Variants in FAM89A observed in about 807,000 individuals in gnomAD.
FAM89A encodes the protein protein FAM89A.
A neutral mutation model predicts 7.1 loss-of-function variants in FAM89A; 10 were observed. That is an observed-to-expected ratio of 1.40 (90% CI 0.86 to 2.38). FAM89A has a LOEUF of 2.38. Among genes scored for constraint, FAM89A ranks in the 30% most tolerant of loss-of-function variants. The pLI is 0.00. For synonymous variants in FAM89A, 157 were observed against 129.3 expected (o/e 1.21, Z -1.45); for missense variants, 276 against 262.8 (o/e 1.05, Z -0.35).
chr1:231,022,852 C>G (rs1679903564), intron 1 of FAM89A, among the ~76,000 whole-genome samples: 2 of 152,158 alleles, frequency 1.3e-5, no homozygotes, highest in Admixed American at 1.3e-4. Flanking sequence ...TTAGTGTCCC[C>G]CTCAGAGGCT....
intron 1 of FAM89A, among the ~76,000 whole-genome samples, chr1:231,033,708 T>C (rs771996561): frequency 1.3e-5 from 2 of 152,142 alleles, no homozygotes; most frequent in Admixed American, 6.5e-5. Flanking sequence ...AGGAGAAGGG[T>C]TGTAAGATAT....
intron 1 of FAM89A, among the ~76,000 whole-genome samples, chr1:231,030,551 T>C (rs977738600): frequency 1.3e-5 from 2 of 152,320 alleles, no homozygotes; most frequent in East Asian, 1.9e-4. Context: ...AGAAAAGCAA[T>C]TGACCATTTT....
intron 1 of FAM89A, among the ~76,000 whole-genome samples, chr1:231,031,866 T>C (rs774856920): frequency 6.6e-6 from 1 of 151,832 alleles, no homozygotes; most frequent in Non-Finnish European, 1.5e-5. Flanking sequence ...GCAATACACA[T>C]CCATGTATAA....
chr1:231,020,162 G>T, intron 1 of FAM89A, 36 bp from the exon 2 acceptor site: 1 of 1,559,302 alleles, frequency 6.4e-7, no homozygotes. Context: ...AAAACGAGAA[G>T]TCAGCACTTG....
At chr1:231,035,816 C>T (rs1362278377) in intron 1 of FAM89A, among the ~76,000 whole-genome samples, 2 of 152,222 alleles carry the variant, frequency 1.3e-5, no homozygotes, top group Admixed American at 6.5e-5. Flanking sequence ...TACTACTTTA[C>T]CCCTTGCTCC....
rs1680189840 is a variant in FAM89A, at chr1:231,038,068, G to C, written c.291+1853C>G. 2.6e-5 allele frequency among the ~76,000 whole-genome samples: 4 copies of C among 152,130 alleles called. No homozygotes were observed. The South Asian group carries it at 8.3e-4, about 32-fold the overall frequency. ...TTGAGTTGTCCACTCAGACCCCATGGCCCCAAGTCAGTAAATCAATTAAAA... is the reference window on the plus strand; with the variant it reads ...TTGAGTTGTCCACTCAGACCCCATGCCCCCAAGTCAGTAAATCAATTAAAA... On this transcript the variant is annotated intron_variant, in intron 1 of 1. Transcript: ENST00000366654.
At chr1:231,039,782 A>ACGGCGC in intron 1 of FAM89A, 139 bp downstream of exon 1, 1 of 852,580 alleles carries the variant, frequency 1.2e-6, no homozygotes, top group Non-Finnish European at 1.6e-6. Context: ...CGTTGGGAGG[A>ACGGCGC]CGGCGCCGGC....
chr1:231,028,568 T>A (rs894162315), intron 1 of FAM89A: 2 of 152,176 alleles, frequency 1.3e-5, no homozygotes, highest in African/African-American at 4.8e-5. Flanking sequence ...ACGGCTGGTC[T>A]CCACATTCAC....
At chr1:231,037,592 T>C (rs1032047673) in intron 1 of FAM89A, among the ~76,000 whole-genome samples, 5 of 152,200 alleles carry the variant, frequency 3.3e-5, no homozygotes, top group African/African-American at 1.2e-4. Flanking sequence ...CACCCTGCTG[T>C]AGAATTCATT....
At chr1:231,021,687 C>T in intron 1 of FAM89A, 2 of 1,583,344 alleles carry the variant, frequency 1.3e-6, no homozygotes, top group Non-Finnish European at 8.7e-7. Flanking sequence ...GCAACCTCCA[C>T]CCCTGAGATT....
At chr1:231,037,009 T>C (rs903744599) in intron 1 of FAM89A, among the ~76,000 whole-genome samples, 4 of 152,218 alleles carry the variant, frequency 2.6e-5, no homozygotes, top group African/African-American at 9.6e-5. Context: ...GGGAAAATAA[T>C]TGCAATGTGC....
intron 1 of FAM89A, among the ~76,000 whole-genome samples, chr1:231,031,402 C>A (rs896420774): frequency 2.5e-4 from 38 of 152,298 alleles, no homozygotes; most frequent in African/African-American, 9.1e-4. Context: ...TGTTCACACT[C>A]TATTACATTA....
In FAM89A at chr1:231,020,857, T is replaced by C. The variant is rs555395591; in HGVS notation, c.292-731A>G. ...TTTATAAAAGTCATATACTTGTTTA[T>C]CTTCCAGTTCCTCCCTCCCCCACCA... On this transcript the variant is annotated intron_variant, in intron 1 of 1. Coordinates refer to ENST00000366654, the MANE Select transcript of FAM89A (RefSeq NM_198552.3). 3.9e-5 allele frequency among the ~76,000 whole-genome samples: 6 copies of C among 152,364 alleles called. No homozygotes were observed. In the East Asian group the frequency reaches 5.8e-4, roughly 15 times the overall value.
At chr1:231,026,004 T>C (rs1344879269) in intron 1 of FAM89A, 1 of 152,802 alleles carries the variant, frequency 6.5e-6, no homozygotes, top group Non-Finnish European at 1.5e-5. Context: ...CCTACCTCCC[T>C]GCCTGGGTTC....
chr1:231,023,024 TC>T (rs1400644702), intron 1 of FAM89A, among the ~76,000 whole-genome samples: 4 of 152,168 alleles, frequency 2.6e-5, no homozygotes, highest in Non-Finnish European at 5.9e-5. Context: ...ATAAAATCCA[TC>T]CGGTGTTTGC....
chr1:231,032,361 G>A (rs997065241), intron 1 of FAM89A, among the ~76,000 whole-genome samples: 1 of 137,404 alleles, frequency 7.3e-6, no homozygotes, highest in African/African-American at 2.7e-5. Context: ...ACTTTACACC[G>A]CCCCACCCCA....
intron 1 of FAM89A, among the ~76,000 whole-genome samples, chr1:231,037,053 A>G (rs1680167436): frequency 6.6e-6 from 1 of 152,186 alleles, no homozygotes; most frequent in Non-Finnish European, 1.5e-5. Context: ...TATGTGATCA[A>G]TGTGTTGTAT....
intron 1 of FAM89A, among the ~76,000 whole-genome samples, chr1:231,032,519 TC>T (rs1680092533): frequency 6.6e-6 from 1 of 151,778 alleles, no homozygotes. Flanking sequence ...AATGTATACA[TC>T]CGTGGTTATA....
intron 1 of FAM89A, among the ~76,000 whole-genome samples, chr1:231,038,484 T>C (rs1362310477): frequency 1.3e-5 from 2 of 152,234 alleles, no homozygotes; most frequent in Admixed American, 6.5e-5. Context: ...TTCACCCCCG[T>C]GGTTCTGCTA....
Sources: allele counts gnomAD v4.1 joint callset (sites outside exome capture counted in the v4.1 genomes callset), GRCh38; gene constraint gnomAD v4.1.1; transcripts MANE v1.5; gene names NCBI Gene and HGNC (gene_info 2026-07-23, HGNC 2026-07-21).